KLHDC10: variants seen among roughly 807,000 people sequenced by gnomAD.
KLHDC10 encodes kelch domain containing 10.
A neutral mutation model predicts 56.1 loss-of-function variants in KLHDC10; 24 were observed. That is an observed-to-expected ratio of 0.43 (90% CI 0.31 to 0.60). KLHDC10 has a LOEUF of 0.60. Ranked by LOEUF, KLHDC10 falls within the 20% of genes least tolerant of loss-of-function variation. The pLI is 0.11. For synonymous variants in KLHDC10, 188 were observed against 207.1 expected (o/e 0.91, Z 0.79); for missense variants, 349 against 567.0 (o/e 0.62, Z 3.91).
At chr7:130,071,079 T>G (rs1795402472) in intron 1 of KLHDC10, among the ~76,000 whole-genome samples, 1 of 152,204 alleles carries the variant, frequency 6.6e-6, no homozygotes, top group African/African-American at 2.4e-5. Context: ...CATTGACATT[T>G]CCAAATGTTT....
intron 1 of KLHDC10, among the ~76,000 whole-genome samples, chr7:130,093,847 T>C (rs1006426077): frequency 1.3e-5 from 2 of 152,094 alleles, no homozygotes; most frequent in African/African-American, 4.8e-5. Context: ...GAGAGAGACA[T>C]GCCAAAGATG....
chr7:130,071,793 C>G (rs1188641768), intron 1 of KLHDC10, among the ~76,000 whole-genome samples: 2 of 152,000 alleles, frequency 1.3e-5, no homozygotes, highest in Non-Finnish European at 2.9e-5. Flanking sequence ...ATTTGTTTAG[C>G]TGATGAGTTT....
chr7:130,116,453 C>G lies in KLHDC10; in HGVS notation c.262C>G (p.Pro88Ala), dbSNP rs1464776034. 1.2e-6 allele frequency: 2 copies of G among 1,613,198 alleles called. No homozygotes were observed. Among genetic ancestry groups the G allele is most frequent in the African/African-American group, 1.3e-5 (1 of 75,048 alleles). ...IPNRFLRGHR[P>A]PPARSGHRCV... is the part of the protein sequence containing the mutation. ...GTCCTCTTCTCTCCTAGGCCACAGA[C>G]CTCCACCAGCACGAAGTGGACATCG... The change falls in exon 3 of 10, where the codon CCT becomes GCT. Residue 88 changes from proline to alanine, a missense_variant. By Grantham distance (27) the Pro-to-Ala change is conservative. This residue lies in a region of KLHDC10 where 245 missense variants were observed against 470.1 expected (regional missense o/e 0.52). Transcript: ENST00000335420. This position sits in a 1 kb window ranked among gnomAD's most constrained non-coding sequence, Gnocchi z 4.8.
rs202141950 is a variant in KLHDC10 at position 130,071,005 on chromosome 7, T to TG, written c.166+197dup. Among the ~76,000 whole-genome samples the TG allele has an allele frequency of 9.2e-3, 1,396 of 152,346 alleles. 19 individuals carry two copies. The highest frequency in any genetic ancestry group is 0.015 in the Non-Finnish European group (1,027 of 68,026). On this transcript the variant is annotated intron_variant, in intron 1 of 9. Transcript: ENST00000335420. ...CAGGAGCACAGCGAAGAAAAGTATC[T>TG]GTGCTCTGTTGAAAGCTCTGTGCTG...
intron 2 of KLHDC10, among the ~76,000 whole-genome samples, chr7:130,103,300 C>T (rs1795960017): frequency 6.6e-6 from 1 of 151,946 alleles, no homozygotes; most frequent in Admixed American, 6.6e-5. Flanking sequence ...GTGGCAGGTG[C>T]CTGTAATCCC....
chr7:130,078,447 A>G (rs1467449997), intron 1 of KLHDC10, among the ~76,000 whole-genome samples: 1 of 152,012 alleles, frequency 6.6e-6, no homozygotes, highest in Non-Finnish European at 1.5e-5. Flanking sequence ...CTGATCTCAA[A>G]CTCCTGGGCT....
In KLHDC10 at chr7:130,131,612, G is replaced by C. The variant is rs769213258; in HGVS notation, c.*866G>C. 5.9e-5 allele frequency: 9 copies of C among 152,098 alleles called. No individual in the cohort carries two copies. The highest frequency in any genetic ancestry group is 1.3e-4 in the Non-Finnish European group (9 of 68,026). The allele number at this position is 152,098 out of a possible 1,614,324, so 9.4% of individuals were successfully genotyped here. ...AAATATCTCTTTGACTTCTTCATGG[G>C]GAATTGTAGACCCTAAGTATGTGGT... On this transcript the variant is annotated 3_prime_UTR_variant, in exon 10 of 10. Transcript: ENST00000335420.
intron 1 of KLHDC10, among the ~76,000 whole-genome samples, chr7:130,092,400 C>T (rs969435624): frequency 6.6e-6 from 1 of 152,220 alleles, no homozygotes; most frequent in Middle Eastern, 3.4e-3. Context: ...CATGCTTGGG[C>T]CTTAGTTTTA....
intron 2 of KLHDC10, among the ~76,000 whole-genome samples, chr7:130,102,780 C>T (rs534644977): frequency 2.0e-5 from 3 of 152,194 alleles, no homozygotes; most frequent in South Asian, 4.1e-4. Context: ...GAGATGAGAT[C>T]GCGCCATTGC....
chr7:130,075,358 TCTTAA>T (rs1220008852), intron 1 of KLHDC10, among the ~76,000 whole-genome samples: 1 of 152,206 alleles, frequency 6.6e-6, no homozygotes. Flanking sequence ...AATACTGTAG[TCTTAA>T]CTTAAAAATT....
At position 130,130,147 on chromosome 7, in the gene KLHDC10, C is replaced by T. The variant is rs775052332; in HGVS notation, c.1120-390C>T. Among the ~76,000 whole-genome samples the T allele has an allele frequency of 2.6e-5, 4 of 151,810 alleles. No individual in the cohort carries two copies. The highest frequency in any genetic ancestry group is 5.9e-5 in the Non-Finnish European group (4 of 67,964). On this transcript the variant is annotated intron_variant, in intron 9 of 9. Transcript: ENST00000335420. The surrounding 1 kb of genome is among the most constrained non-coding windows in gnomAD (Gnocchi z 4.2). ...CTGGCTAACACGGATGAAACCCCAT[C>T]TCTACTAAAAATACAAAAAAAAATT...
intron 3 of KLHDC10, among the ~76,000 whole-genome samples, chr7:130,119,681 T>C (rs1796221438): frequency 1.3e-5 from 2 of 148,744 alleles, no homozygotes; most frequent in Admixed American, 1.3e-4. Context: ...CCGTCTCTAC[T>C]AAAAATACAA....
Position 130,116,568 on chromosome 7 carries a change from C to A in KLHDC10, c.377C>A (p.Pro126His). Residue 126 changes from proline (P) to histidine (H), a missense_variant, in exon 3 of 10, where the codon CCT becomes CAT. Pro to His is a moderately conservative substitution (Grantham distance 77). This residue lies in a region of KLHDC10 where 245 missense variants were observed against 470.1 expected (regional missense o/e 0.52). Transcript: ENST00000335420. This position sits in a 1 kb window ranked among gnomAD's most constrained non-coding sequence, Gnocchi z 4.8. ...ESGGPDNEDY[P>H]LFRELWRYHF... ...GGAGGGCCTGATAATGAAGACTATC[C>A]TCTCTTCAGGGAACTCTGGAGGTAT... The A allele has an allele frequency of 6.2e-7, 1 of 1,613,834 alleles. No individual in the cohort carries two copies. The highest frequency in any genetic ancestry group is 1.1e-5 in the South Asian group (1 of 91,074).
chr7:130,082,150 A>G (rs1795617417), intron 1 of KLHDC10, among the ~76,000 whole-genome samples: 1 of 152,146 alleles, frequency 6.6e-6, no homozygotes, highest in Middle Eastern at 3.2e-3. Context: ...TTGTCTTTAC[A>G]AAAAATAAAC....
At chr7:130,108,401 T>G (rs1796046269) in intron 2 of KLHDC10, among the ~76,000 whole-genome samples, 1 of 151,654 alleles carries the variant, frequency 6.6e-6, no homozygotes, top group Non-Finnish European at 1.5e-5. Flanking sequence ...GCAAAAATGG[T>G]AGAAATTCTC....
rs757689670 is a variant in KLHDC10 at position 130,070,765 on chromosome 7, A to T, written c.122A>T (p.Gln41Leu). 1 of 1,308,644 alleles carries T rather than the reference A, an allele frequency of 7.6e-7. No individual in the cohort carries two copies. Among genetic ancestry groups the T allele is most frequent in the Non-Finnish European group, 9.7e-7 (1 of 1,026,946 alleles). The allele number at this position is 1,308,644 out of a possible 1,614,324, so 81.1% of individuals were successfully genotyped here. The change falls in exon 1 of 10, where the codon CAG (glutamine) becomes CTG (leucine). Residue 41 changes from glutamine (Q) to leucine (L), a missense_variant. Physicochemically the swap from Gln to Leu is moderately radical, Grantham distance 113 (BLOSUM62 -2). This residue lies in a region of KLHDC10 where 104 missense variants were observed against 97.0 expected (regional missense o/e 1.07). Transcript: ENST00000335420. The stretch of plus-strand genomic sequence containing the variant: ...GGCAGCGGGGGTCGGGGGACTGGCC[A>T]GCTCAACCGCTTCGTGCAACTCTCC... ...SGGSGGRGTG[Q>L]LNRFVQLSGR...
intron 2 of KLHDC10, among the ~76,000 whole-genome samples, chr7:130,112,825 A>G (rs1017749225): frequency 1.3e-5 from 2 of 152,182 alleles, no homozygotes; most frequent in African/African-American, 4.8e-5. Flanking sequence ...AGGATGTTTA[A>G]TATTTATCAA....
In KLHDC10 at chr7:130,102,906, T is replaced by C. The variant is rs147272030; in HGVS notation, c.253+5899T>C. On this transcript the variant is annotated intron_variant, in intron 2 of 9. Transcript: ENST00000335420. ...AATGAATTAGTTTTATATTGAAGAA[T>C]TGATTGCTGAAATTAAAACTCAGTT... Among the ~76,000 whole-genome samples the C allele has an allele frequency of 3.1e-3, 467 of 152,280 alleles. 4 individuals are homozygous for C. Among genetic ancestry groups the C allele is most frequent in the African/African-American group, 0.011 (437 of 41,552 alleles).
In KLHDC10 at chr7:130,070,649, G is replaced by C; in HGVS notation, c.6G>C (p.Ser2=). Reference sequence around the variant, plus strand: ...GCGGCAATCGTTAGCGGGTCATGTCGGCCGCCCAGGGCTGGGACAGGAACC... The same window carrying C: ...GCGGCAATCGTTAGCGGGTCATGTCCGCCGCCCAGGGCTGGGACAGGAACC... M[S]AAQGWDRNRR... The change falls in exon 1 of 10, where the codon TCG becomes TCC. Residue 2 remains serine (S), a synonymous_variant. Transcript: ENST00000335420. The C allele has an allele frequency of 7.6e-7, 1 of 1,311,718 alleles. No homozygotes were observed. 81.3% of individuals were successfully genotyped at this position (1,311,718 alleles called of 1,614,324 possible). A position where few individuals can be genotyped will look rare whatever the true frequency, so the allele number is the denominator to read the frequency against.
Sources: gnomAD v4.1 joint callset for allele counts (sites outside exome capture counted in the v4.1 genomes callset) on GRCh38, gnomAD v4.1.1 for gene constraint, gnomAD v4.1.1 regional missense constraint, Gnocchi (gnomAD v3.1) non-coding constraint, MANE v1.5 for transcripts, NCBI Gene and HGNC (gene_info 2026-07-23, HGNC 2026-07-21) for gene names.